The following NMI variants were observed in gnomAD, a reference collection of about 807,000 sequenced individuals.
NMI encodes N-myc and STAT interactor, also known as N-myc-interactor.
NMI carries 39 observed loss-of-function variants against 34.3 expected under a neutral mutation model. The observed-to-expected ratio is 1.14, with a 90% CI of 0.88 to 1.49. The LOEUF (loss-of-function observed/expected upper bound fraction) is 1.49, where lower values mean the gene tolerates loss of function less well. NMI is among the 40% of genes most tolerant of loss of function. The probability of loss-of-function intolerance (pLI) is 0.00; values close to 1 mark genes in which losing one functional copy is unlikely to be tolerated. For synonymous variants in NMI, 113 were observed against 120.3 expected (o/e 0.94, Z 0.40); for missense variants, 339 against 358.1 (o/e 0.95, Z 0.43).
intron 6 of NMI, among the ~76,000 whole-genome samples, chr2:151,274,633 A>T (rs960090227): frequency 1.3e-5 from 2 of 149,982 alleles, no homozygotes; most frequent in African/African-American, 4.9e-5. Flanking sequence ...GCGCCACCAC[A>T]CCTGGCTAAT....
rs768980916 is a variant in NMI, at chr2:151,275,659, T to G, written c.459A>C (p.Glu153Asp). Residue 153 changes from glutamate (E) to aspartate (D), a missense_variant, in exon 6 of 8, where the codon GAA (glutamate) becomes GAC (aspartate). By Grantham distance (45) the Glu-to-Asp change is conservative (BLOSUM62 2). Transcript: ENST00000243346. ...TAACATTGATTTTCATTTTAGAAAC[T>G]TCTACATAAACCTGGAAAATGATTT... ...NSGVRFQVYV[E>D]VSKMKINVTE... 6.2e-6 allele frequency: 10 copies of G among 1,613,946 alleles called. No homozygotes were observed. In the African/African-American group the frequency reaches 1.3e-4, roughly 22 times the overall value.
chr2:151,288,044 C>G (rs1185935503), intron 1 of NMI, among the ~76,000 whole-genome samples: 1 of 152,200 alleles, frequency 6.6e-6, no homozygotes, highest in Non-Finnish European at 1.5e-5. Flanking sequence ...CTTTTGGCAT[C>G]TTTTGCATCT....
In NMI at chr2:151,279,630, C is replaced by T. The variant is rs1411200294; in HGVS notation, c.178-640G>A. Among the ~76,000 whole-genome samples, 5 of 152,168 alleles carry T rather than the reference C, an allele frequency of 3.3e-5. No homozygotes were observed. The East Asian group carries it at 9.7e-4, about 30-fold the overall frequency. Reference sequence around the variant, plus strand: ...TAGCTGGAACTACAGGCATGCGCTACCACACCGAGCTAATTTCTGTATTTT... The same window carrying T: ...TAGCTGGAACTACAGGCATGCGCTATCACACCGAGCTAATTTCTGTATTTT... On this transcript the variant is annotated intron_variant, in intron 3 of 7. Coordinates refer to ENST00000243346, the MANE Select transcript of NMI (RefSeq NM_004688.3).
Position 151,270,698 on chromosome 2 carries a change from C to T in NMI, c.919G>A (p.Glu307Lys), listed in dbSNP as rs142455013. 1.2e-3 allele frequency: 2,006 copies of T among 1,611,410 alleles called. 2 individuals carry two copies. The highest frequency in any genetic ancestry group is 1.5e-3 in the Non-Finnish European group (1,815 of 1,178,504). Reference protein sequence around the residue: ...LGQPHIAYFEE With the variant: ...LGQPHIAYFEK The stretch of plus-strand genomic sequence containing the variant: ...TTTTCATGATTCTGTTAAGTCTATT[C>T]TTCAAAGTATGCTATGTGAGGTTGA... The change falls in exon 8 of 8, where the codon GAA (glutamate) becomes AAA (lysine). Residue 307 changes from glutamate (E) to lysine (K), a missense_variant. By Grantham distance (56) the Glu-to-Lys change is moderately conservative. Transcript: ENST00000243346.
In NMI at chr2:151,278,990, T is replaced by C; in HGVS notation, c.178A>G (p.Ile60Val). 2 of 1,575,738 alleles carry C rather than the reference T, an allele frequency of 1.3e-6. No individual in the cohort carries two copies. The highest frequency in any genetic ancestry group is 1.7e-6 in the Non-Finnish European group (2 of 1,150,960). Residue 60 changes from isoleucine to valine, a missense_variant and splice_region_variant, in exon 4 of 8, where the codon ATT becomes GTT. Transcript: ENST00000243346. ...TTTGTTTCAGGAATATCCTCTTTAA[T>C]CTAATCCAAATGAAAATGTTTGATT... Reference protein sequence around the residue: ...ELQEATKEFQIKEDIPETKMK... With the variant: ...ELQEATKEFQVKEDIPETKMK...
intron 6 of NMI, 47 bp from the exon 7 acceptor site, chr2:151,271,779 A>AT: frequency 1.1e-6 from 1 of 906,658 alleles, no homozygotes; most frequent in Non-Finnish European, 1.8e-6. Flanking sequence ...TATCATAAGC[A>AT]TTTTTAACCA....
At chr2:151,278,620 T>C (rs892694992) in intron 4 of NMI, 1 of 504,744 alleles carries the variant, frequency 2.0e-6, no homozygotes, top group Non-Finnish European at 3.6e-6. Context: ...CCCACAGTCA[T>C]GGCTTTCTGA....
rs1683338359 is a variant in NMI at position 151,278,963 on chromosome 2, T to A, written c.205A>T (p.Met69Leu). The A allele has an allele frequency of 1.9e-6, 3 of 1,609,192 alleles. No homozygotes were observed. The highest frequency in any genetic ancestry group is 8.5e-7 in the Non-Finnish European group (1 of 1,176,162). The change falls in exon 4 of 8, where the codon ATG (methionine) becomes TTG (leucine). Residue 69 changes from methionine (M) to leucine (L), a missense_variant. Physicochemically the swap from Met to Leu is conservative, Grantham distance 15 (BLOSUM62 2). Transcript: ENST00000243346. Reference protein sequence around the residue: ...QIKEDIPETKMKFLSVETPEN... With the variant: ...QIKEDIPETKLKFLSVETPEN... ...GGAGTTTCAACTGATAAGAATTTCA[T>A]CTTTGTTTCAGGAATATCCTCTTTA... is the stretch of plus-strand genomic sequence containing the variant.
intron 4 of NMI, among the ~76,000 whole-genome samples, chr2:151,276,648 G>A (rs1683297784): frequency 6.6e-6 from 1 of 152,094 alleles, no homozygotes; most frequent in Admixed American, 6.5e-5. Context: ...AATTAGTCTT[G>A]ATTTTACTTA....
At chr2:151,289,386 C>A (rs116216569) in intron 1 of NMI, among the ~76,000 whole-genome samples, 2,694 of 152,298 alleles carry the variant, frequency 0.018, 90 homozygotes, top group African/African-American at 0.06. Flanking sequence ...GACTGCACAG[C>A]GGGCCCAGGA....
chr2:151,273,133 T>C (rs925657970), intron 6 of NMI, among the ~76,000 whole-genome samples: 1 of 149,640 alleles, frequency 6.7e-6, no homozygotes, highest in Non-Finnish European at 1.5e-5. Flanking sequence ...AAAAAAAGAG[T>C]ACAGGTCCTG....
In NMI at chr2:151,282,867, C is replaced by A; in HGVS notation, c.81+1G>T. On this transcript the variant is annotated splice_donor_variant, in intron 2 of 7. Transcript: ENST00000243346. LOFTEE classifies it high-confidence loss of function. ...ATAATACCCAGTAATTTCCTTTTTA[C>A]CTTATTTTGTTCATCTTTTATAAAT... 7.0e-7 allele frequency: 1 copy of A among 1,436,988 alleles called. No homozygotes were observed. The highest frequency in any genetic ancestry group is 9.5e-7 in the Non-Finnish European group (1 of 1,053,064). 89.0% of individuals were successfully genotyped at this position (1,436,988 alleles called of 1,614,324 possible). A position where few individuals can be genotyped will look rare whatever the true frequency, so the allele number is the denominator to read the frequency against.
chr2:151,277,075 C>T (rs1220098680), intron 4 of NMI, among the ~76,000 whole-genome samples: 2 of 152,290 alleles, frequency 1.3e-5, no homozygotes, highest in African/African-American at 2.4e-5. Context: ...AAATAAGTGA[C>T]ATTCACTCTC....
intron 6 of NMI, 36 bp downstream of exon 6, chr2:151,275,448 G>A: frequency 6.5e-7 from 1 of 1,549,528 alleles, no homozygotes; most frequent in Non-Finnish European, 8.9e-7. Context: ...GACTGAAATG[G>A]CAGAGTGTCT....
chr2:151,271,617 T>C lies in NMI; in HGVS notation c.741+9A>G. 7.4e-7 allele frequency: 1 copy of C among 1,359,196 alleles called. No individual in the cohort carries two copies. Among genetic ancestry groups the C allele is most frequent in the African/African-American group, 1.4e-5 (1 of 69,734 alleles). The allele number at this position is 1,359,196 out of a possible 1,614,324, so 84.2% of individuals were successfully genotyped here. ...AGTTCTGAAAATGAGAGAACAGAGATGACTTTACCTGATACTTTTTCAAGT... is the reference window on the plus strand; with the variant it reads ...AGTTCTGAAAATGAGAGAACAGAGACGACTTTACCTGATACTTTTTCAAGT... On this transcript the variant is annotated intron_variant, in intron 7 of 7. Transcript: ENST00000243346.
chr2:151,280,929 G>A (rs1488252640), intron 3 of NMI, among the ~76,000 whole-genome samples: 2 of 151,562 alleles, frequency 1.3e-5, no homozygotes, highest in East Asian at 3.9e-4. Context: ...CGCGACCTCC[G>A]CCTCCCAGGT....
At chr2:151,277,037 T>A (rs1683303359) in intron 4 of NMI, among the ~76,000 whole-genome samples, 1 of 152,240 alleles carries the variant, frequency 6.6e-6, no homozygotes, top group Admixed American at 6.5e-5. Context: ...TTGTTGATAT[T>A]TGGGGCTGCT....
At chr2:151,287,328 T>TACACACAC (rs3836200) in intron 1 of NMI, among the ~76,000 whole-genome samples, 31 of 148,518 alleles carry the variant, frequency 2.1e-4, no homozygotes, top group East Asian at 9.9e-4. Context: ...CTCACACACA[T>TACACACAC]ACACACACAC....
chr2:151,278,669 T>G, intron 4 of NMI, 159 bp downstream of exon 4: 1 of 598,682 alleles, frequency 1.7e-6, no homozygotes. Flanking sequence ...TCAGAGTCAG[T>G]TTTCTCATCT....
Sources: gnomAD v4.1 joint callset for allele counts (sites outside exome capture counted in the v4.1 genomes callset) on GRCh38, gnomAD v4.1.1 for gene constraint, MANE v1.5 for transcripts, NCBI Gene and HGNC (gene_info 2026-07-23, HGNC 2026-07-21) for gene names.